The following PKNOX2 variants were observed in gnomAD, a reference collection of about 807,000 sequenced individuals.
PKNOX2 encodes the protein homeobox protein PKNOX2.
In PKNOX2, 14 loss-of-function variants were observed where a neutral mutation model predicts 53.1. The ratio of observed to expected loss-of-function variants is 0.26; its 90% CI spans 0.17 to 0.41. PKNOX2 has a LOEUF of 0.41. PKNOX2 is among the 10% of genes least tolerant of loss of function. The pLI, the probability that PKNOX2 is intolerant of heterozygous loss-of-function variation, is 1.00. For synonymous variants in PKNOX2, 257 were observed against 242.8 expected, an observed-to-expected ratio of 1.06 and a Z score of -0.54; for missense variants, 496 against 602.8, an observed-to-expected ratio of 0.82 and a Z score of 1.85.
intron 2 of PKNOX2, among the ~76,000 whole-genome samples, chr11:125,255,416 A>G (rs990058398): frequency 6.6e-6 from 1 of 152,202 alleles, no homozygotes; most frequent in East Asian, 1.9e-4. Context: ...AAGGCAGGAC[A>G]GGGATGACAG....
In PKNOX2 at chr11:125,192,908, G is replaced by C. The variant is rs78780404; in HGVS notation, c.-201+28132G>C. Among the ~76,000 whole-genome samples the C allele has an allele frequency of 6.4e-3, 971 of 152,314 alleles. 32 individuals are homozygous for C. The highest frequency in any genetic ancestry group is 0.057 in the Admixed American group (866 of 15,300). On this transcript the variant is annotated intron_variant, in intron 1 of 12. Transcript: ENST00000298282. ...AGCTGTGAGCTCTCAGTGAGCGAGG[G>C]GCTGTTTGCATGCAGGGAAGACTGC...
chr11:125,386,489 A>G (rs1454961996), intron 6 of PKNOX2, among the ~76,000 whole-genome samples: 2 of 152,134 alleles, frequency 1.3e-5, no homozygotes, highest in African/African-American at 2.4e-5. Flanking sequence ...CTGTTTGTCC[A>G]TTACTCTAAC....
intron 1 of PKNOX2, among the ~76,000 whole-genome samples, chr11:125,216,149 G>A (rs1940470640): frequency 6.6e-6 from 1 of 152,190 alleles, no homozygotes. Flanking sequence ...CTTGGGTCAG[G>A]TCCCGTGAGA....
At chr11:125,341,902 G>C in intron 3 of PKNOX2, among the ~76,000 whole-genome samples, 1 of 152,228 alleles carries the variant, frequency 6.6e-6, no homozygotes, top group East Asian at 1.9e-4. Context: ...CAGGAACACA[G>C]AGCCAGTGTA....
intron 6 of PKNOX2, among the ~76,000 whole-genome samples, chr11:125,397,086 G>A (rs1393771294): frequency 6.6e-6 from 1 of 152,142 alleles, no homozygotes; most frequent in Non-Finnish European, 1.5e-5. Flanking sequence ...GCAGTAAAGA[G>A]CAAAGCTTCA....
chr11:125,416,896 G>T (rs1955914572), intron 10 of PKNOX2, among the ~76,000 whole-genome samples: 1 of 151,992 alleles, frequency 6.6e-6, no homozygotes, highest in African/African-American at 2.4e-5. Flanking sequence ...CTACTGTTCT[G>T]CAGCCCTGGC....
intron 1 of PKNOX2, among the ~76,000 whole-genome samples, chr11:125,187,293 T>C (rs1176390998): frequency 6.6e-6 from 1 of 152,218 alleles, no homozygotes; most frequent in Non-Finnish European, 1.5e-5. Context: ...CTGCAGATTG[T>C]TTGTTAGATG....
intron 6 of PKNOX2, among the ~76,000 whole-genome samples, chr11:125,387,671 C>G (rs1377218877): frequency 6.6e-6 from 1 of 152,194 alleles, no homozygotes; most frequent in African/African-American, 2.4e-5. Flanking sequence ...CCCTGGTGGC[C>G]CCATACTGCC....
At chr11:125,348,990 G>T (rs1228463054) in intron 3 of PKNOX2, among the ~76,000 whole-genome samples, 1 of 152,052 alleles carries the variant, frequency 6.6e-6, no homozygotes, top group Admixed American at 6.6e-5. Context: ...TTTTTTCCTG[G>T]CGGACGAGCA....
At chr11:125,365,437 C>T (rs954740757) in intron 4 of PKNOX2, among the ~76,000 whole-genome samples, 11 of 152,140 alleles carry the variant, frequency 7.2e-5, no homozygotes, top group African/African-American at 2.4e-4. Context: ...AGCCATGTCT[C>T]TCCTTCCCTG....
intron 2 of PKNOX2, among the ~76,000 whole-genome samples, chr11:125,303,086 T>C (rs570480175): frequency 4.5e-4 from 69 of 152,290 alleles, no homozygotes; most frequent in Non-Finnish European, 8.4e-4. Flanking sequence ...TGCTGGGTGC[T>C]GAGAGCCAGG....
At chr11:125,199,783 G>A (rs531314618) in intron 1 of PKNOX2, among the ~76,000 whole-genome samples, 1 of 152,342 alleles carries the variant, frequency 6.6e-6, no homozygotes, top group East Asian at 1.9e-4. Flanking sequence ...GGCGGTGGAG[G>A]TTGCGGTGAG....
rs576079673 is a variant in PKNOX2, at chr11:125,306,904, A to G, written c.-129-24915A>G. Among the ~76,000 whole-genome samples the G allele has an allele frequency of 1.3e-3, 191 of 152,246 alleles. 1 individual carries two copies. The highest frequency in any genetic ancestry group is 4.3e-3 in the African/African-American group (179 of 41,566). On this transcript the variant is annotated intron_variant, in intron 2 of 12. Coordinates refer to ENST00000298282, the MANE Select transcript of PKNOX2 (RefSeq NM_001382323.2). ...TTGCATTTGGAGAATTTGCTGAGAG[A>G]ATGGATTTAAGGCCACAGGGTTCCC...
intron 2 of PKNOX2, among the ~76,000 whole-genome samples, chr11:125,314,315 C>A (rs78901812): frequency 0.015 from 2,300 of 152,216 alleles, 27 homozygotes; most frequent in Middle Eastern, 0.038. Context: ...GCAACGTCAC[C>A]ATGGCCAGTT....
chr11:125,215,974 G>A (rs1447867852), intron 1 of PKNOX2, among the ~76,000 whole-genome samples: 2 of 152,174 alleles, frequency 1.3e-5, no homozygotes. Flanking sequence ...TTAAAGAAGG[G>A]CCTTGCAGTC....
intron 4 of PKNOX2, among the ~76,000 whole-genome samples, 158 bp downstream of exon 4, chr11:125,351,550 G>A (rs572868753): frequency 1.3e-5 from 2 of 152,164 alleles, no homozygotes; most frequent in Admixed American, 1.3e-4. Context: ...CCGTCAGCCT[G>A]GGGAGCGAGA....
chr11:125,401,725 A>G (rs1183043497), intron 7 of PKNOX2, among the ~76,000 whole-genome samples: 4 of 152,096 alleles, frequency 2.6e-5, no homozygotes, highest in Admixed American at 2.6e-4. Flanking sequence ...CTTGGGTTCA[A>G]GACACAGGAG....
chr11:125,202,059 G>C lies in PKNOX2; in HGVS notation c.-200-32986G>C, dbSNP rs141281601. 4.4e-3 allele frequency among the ~76,000 whole-genome samples: 672 copies of C among 152,340 alleles called. 8 individuals carry two copies. The highest frequency in any genetic ancestry group is 0.015 in the African/African-American group (637 of 41,568). On this transcript the variant is annotated intron_variant, in intron 1 of 12. Transcript: ENST00000298282. ...GGCTTAAAGAAAACACAGAGGGTCC[G>C]TGCGGCTGGGACTCCCAACAAGACG...
chr11:125,426,438 A>G (rs1591569373), intron 10 of PKNOX2, among the ~76,000 whole-genome samples: 1 of 152,182 alleles, frequency 6.6e-6, no homozygotes, highest in Non-Finnish European at 1.5e-5. Context: ...ACTTGCCAGC[A>G]CCCAGGATGC....
Sources: allele counts gnomAD v4.1 joint callset (sites outside exome capture counted in the v4.1 genomes callset), GRCh38; gene constraint gnomAD v4.1.1; transcripts MANE v1.5; gene names NCBI Gene and HGNC (gene_info 2026-07-23, HGNC 2026-07-21).